The following IL4I1 variants were observed in gnomAD, a reference collection of about 807,000 sequenced individuals.
The protein encoded by IL4I1 is interleukin 4 induced 1.
In IL4I1, 24 loss-of-function variants were observed where a neutral mutation model predicts 29.7. That is an observed-to-expected ratio of 0.81 (90% CI 0.59 to 1.14). The LOEUF is 1.14. Ranked by LOEUF, IL4I1 falls within the 50% of genes most tolerant of loss-of-function variation. The pLI is 0.00. For synonymous variants in IL4I1, 371 were observed against 352.5 expected (o/e 1.05, Z -0.59); for missense variants, 686 against 785.6 (o/e 0.87, Z 1.52).
chr19:49,899,618 G>A (rs553466879), upstream of IL4I1, among the ~76,000 whole-genome samples: 70 of 150,832 alleles, frequency 4.6e-4, no homozygotes, highest in Non-Finnish European at 7.8e-4. Flanking sequence ...GTGTAGTGGC[G>A]CTATCTTGGC....
upstream of IL4I1, among the ~76,000 whole-genome samples, chr19:49,901,088 A>G (rs1184907874): frequency 6.6e-6 from 1 of 152,120 alleles, no homozygotes; most frequent in Non-Finnish European, 1.5e-5. Flanking sequence ...TCAGTATTAA[A>G]AGTTTCATTG....
chr19:49,895,216 C>T (rs1469867486), intron 3 of IL4I1, 36 bp from the exon 4 acceptor site: 3 of 1,548,524 alleles, frequency 1.9e-6, no homozygotes, highest in African/African-American at 1.4e-5. Flanking sequence ...GGCCCTTCAG[C>T]TCCACCCACT....
chr19:49,896,394 C>T (rs1430479121), intron 1 of IL4I1, among the ~76,000 whole-genome samples: 1 of 152,064 alleles, frequency 6.6e-6, no homozygotes, highest in African/African-American at 2.4e-5. Flanking sequence ...TGCCACAGCT[C>T]TCTCGGGTTC....
chr19:49,905,475 C>A (rs912168692), intron 2 of IL4I1, among the ~76,000 whole-genome samples: 15 of 152,226 alleles, frequency 9.9e-5, no homozygotes, highest in African/African-American at 3.6e-4. Context: ...TAGGTGACAG[C>A]TTTCAGAGAG....
chr19:49,928,421 G>A (rs2075962968), intron 1 of IL4I1: 1 of 151,972 alleles, frequency 6.6e-6, no homozygotes, highest in South Asian at 2.1e-4. Flanking sequence ...GGAGGCTGAG[G>A]CAGGAGAATG....
chr19:49,908,492 T>C (rs2075373719), intron 2 of IL4I1: 1 of 1,614,032 alleles, frequency 6.2e-7, no homozygotes, highest in Admixed American at 1.7e-5. Context: ...TGCATCGATG[T>C]TCTCAGCCAG....
rs760138718 is a variant in IL4I1 at position 49,891,425 on chromosome 19, ACTT to A, written c.613_615del (p.Lys205del). 6.2e-7 allele frequency: 1 copy of A among 1,614,030 alleles called. No individual in the cohort carries two copies. The highest frequency in any genetic ancestry group is 2.2e-5 in the East Asian group (1 of 44,874). On this transcript the variant is annotated inframe_deletion, in exon 6 of 8. Coordinates refer to ENST00000391826, the MANE Select transcript of IL4I1 (RefSeq NM_152899.2). Reference sequence around the variant, plus strand: ...CTTACCAAGAGCGTGTGCCTTTCAAACTTCTTCATCGCCTTTCTGCAGCCCAGT... The same window carrying A: ...CTTACCAAGAGCGTGTGCCTTTCAAACTTCATCGCCTTTCTGCAGCCCAGT...
intron 2 of IL4I1, among the ~76,000 whole-genome samples, chr19:49,926,699 AAATCTATACAGC>A (rs1226166132): frequency 1.3e-5 from 2 of 152,204 alleles, no homozygotes; most frequent in Non-Finnish European, 2.9e-5. Context: ...TTTTGTTCAA[AAATCTATACAGC>A]AATGGAATGA....
intron 3 of IL4I1, 113 bp from the exon 4 acceptor site, chr19:49,895,293 G>A: frequency 1.3e-6 from 1 of 781,132 alleles, no homozygotes; most frequent in Non-Finnish European, 2.1e-6. Context: ...CAGTGGCCCA[G>A]ACCCAGACTA....
rs568536437 is a variant in IL4I1 at position 49,892,903 on chromosome 19, T to C, written c.567+1365A>G. 6.6e-5 allele frequency among the ~76,000 whole-genome samples: 10 copies of C among 151,770 alleles called. No homozygotes were observed. In the East Asian group the frequency reaches 1.9e-3, roughly 30 times the overall value. On this transcript the variant is annotated intron_variant, in intron 5 of 7. Coordinates refer to ENST00000391826, the MANE Select transcript of IL4I1 (RefSeq NM_152899.2). ...GGTGTGGCCAGTTCCTCCCTAAAGG[T>C]ATCAGGGAAGGCTTCCTGGAGGAGG...
intron 2 of IL4I1, among the ~76,000 whole-genome samples, chr19:49,922,251 C>T (rs188853064): frequency 3.3e-5 from 5 of 152,328 alleles, no homozygotes; most frequent in East Asian, 3.9e-4. Flanking sequence ...AGGTGCCCTG[C>T]GAGTCCCTGT....
intron 2 of IL4I1, chr19:49,911,222 A>G (rs573963287): frequency 6.6e-6 from 1 of 152,358 alleles, no homozygotes; most frequent in Non-Finnish European, 1.5e-5. Context: ...TAGAAGACGG[A>G]TTTGACTGAC....
Position 49,914,726 on chromosome 19 carries a change from G to GTTTTTTTTTTTTTTT in IL4I1, c.-227-10420_-227-10406dup, listed in dbSNP as rs530372497. Reference sequence around the variant, plus strand: ...GATTCTTGTGCCACTCCAAGTCCCAGTTTTTTTTTTTTTTTTTTTTTTTTT... The same window carrying GTTTTTTTTTTTTTTT: ...GATTCTTGTGCCACTCCAAGTCCCAGTTTTTTTTTTTTTTTTTTTTTTTTTTTTTTTTTTTTTTTT... On this transcript the variant is annotated intron_variant, in intron 2 of 9. Transcript: ENST00000341114. Among the ~76,000 whole-genome samples the GTTTTTTTTTTTTTTT allele has an allele frequency of 3.0e-4, 17 of 56,404 alleles. 4 individuals are homozygous for GTTTTTTTTTTTTTTT. Among genetic ancestry groups the GTTTTTTTTTTTTTTT allele is most frequent in the Admixed American group, 5.6e-4 (2 of 3,586 alleles). The allele number at this position is 56,404 out of a possible 152,430, so 37.0% of individuals were successfully genotyped here. A position where few individuals can be genotyped will look rare whatever the true frequency, so the allele number is the denominator to read the frequency against.
intron 2 of IL4I1, among the ~76,000 whole-genome samples, chr19:49,914,862 C>T (rs541933412): frequency 3.3e-5 from 5 of 151,250 alleles, no homozygotes; most frequent in South Asian, 2.1e-4. Flanking sequence ...ACCTCAGCCT[C>T]CCGAGTAGCT....
chr19:49,917,004 C>T lies in IL4I1; in HGVS notation c.-228+10690G>A, dbSNP rs77414048. On this transcript the variant is annotated intron_variant, in intron 2 of 9. Transcript: ENST00000341114. ...AGCCACCTGGTGGCACTGCTGACAA[C>T]GCAGAGCCCAGATGCAAGACGGACA... 7.2e-3 allele frequency among the ~76,000 whole-genome samples: 1,099 copies of T among 152,376 alleles called. 5 individuals are homozygous for T. The highest frequency in any genetic ancestry group is 0.02 in the African/African-American group (848 of 41,588).
intron 2 of IL4I1, among the ~76,000 whole-genome samples, chr19:49,919,061 G>A (rs964982761): frequency 5.3e-5 from 8 of 152,184 alleles, no homozygotes; most frequent in Non-Finnish European, 1.0e-4. Context: ...GCTGAGGCAG[G>A]AGAATTGCTT....
chr19:49,893,401 G>T (rs1048252408), intron 5 of IL4I1, among the ~76,000 whole-genome samples: 2 of 152,010 alleles, frequency 1.3e-5, no homozygotes, highest in African/African-American at 4.8e-5. Context: ...CGAGGAGGAG[G>T]TCAGGAGGAG....
rs2075772775 is a variant in IL4I1 at position 49,921,836 on chromosome 19, C to T, written c.-228+5858G>A. On this transcript the variant is annotated intron_variant, in intron 2 of 9. Transcript: ENST00000341114. This position sits in a 1 kb window ranked among gnomAD's most constrained non-coding sequence, Gnocchi z 5.4. ...GGTACTTTCCTCCGTGCCCAAGCAA[C>T]CCTGTAGGAACCACATATCCTGGGC... Among the ~76,000 whole-genome samples the T allele has an allele frequency of 1.3e-5, 2 of 152,226 alleles. No homozygotes were observed. The highest frequency in any genetic ancestry group is 4.1e-4 in the South Asian group (2 of 4,830).
At chr19:49,920,794 C>A (rs1341756696) in intron 2 of IL4I1, among the ~76,000 whole-genome samples, 1 of 152,194 alleles carries the variant, frequency 6.6e-6, no homozygotes. Context: ...ACTGAGGCAT[C>A]AGGGCTGAGG....
Sources: allele counts gnomAD v4.1 joint callset (sites outside exome capture counted in the v4.1 genomes callset), GRCh38; gene constraint gnomAD v4.1.1; non-coding constraint Gnocchi (gnomAD v3.1); transcripts MANE v1.5; gene names NCBI Gene and HGNC (gene_info 2026-07-23, HGNC 2026-07-21).